TMC5: variants seen among roughly 807,000 people sequenced by gnomAD.
The protein encoded by TMC5 is transmembrane channel like 5.
A neutral mutation model predicts 110.5 loss-of-function variants in TMC5; 86 were observed. The observed-to-expected ratio is 0.78, with a 90% CI of 0.65 to 0.93. The LOEUF is 0.93. Among genes scored for constraint, TMC5 ranks in the 40% least tolerant of loss-of-function variants. The pLI is 0.00. For synonymous variants in TMC5, 455 were observed against 439.5 expected, an observed-to-expected ratio of 1.04 and a Z score of -0.44; for missense variants, 1,144 against 1,222.8, an observed-to-expected ratio of 0.94 and a Z score of 0.96.
At chr16:19,426,520 A>G (rs1040953158) in intron 1 of TMC5, among the ~76,000 whole-genome samples, 9 of 152,164 alleles carry the variant, frequency 5.9e-5, no homozygotes. Flanking sequence ...GTTGGATAGC[A>G]GAGGAGCCCA....
chr16:19,431,296 T>C (rs1389558279), intron 2 of TMC5, among the ~76,000 whole-genome samples: 3 of 152,120 alleles, frequency 2.0e-5, no homozygotes, highest in Non-Finnish European at 4.4e-5. Context: ...ATCCCAGCAC[T>C]TTGGGAGGCC....
intron 4 of TMC5, 78 bp downstream of exon 4, chr16:19,444,328 G>A (rs1967564349): frequency 7.5e-7 from 1 of 1,335,778 alleles, no homozygotes; most frequent in East Asian, 2.4e-5. Context: ...TCATTAAGGA[G>A]ACTTGGCAAT....
intron 19 of TMC5, 110 bp from the exon 20 acceptor site, chr16:19,494,152 A>G (rs1310851940): frequency 2.5e-6 from 2 of 811,708 alleles, no homozygotes; most frequent in Non-Finnish European, 4.1e-6. Context: ...AACTTCTAGG[A>G]TCCTAGCTGC....
At chr16:19,418,573 C>A (rs1966908028) in intron 1 of TMC5, among the ~76,000 whole-genome samples, 1 of 151,956 alleles carries the variant, frequency 6.6e-6, no homozygotes, top group Non-Finnish European at 1.5e-5. Context: ...TTCAGGTGGT[C>A]TCTCCCAATG....
Position 19,479,501 on chromosome 16 carries a change from A to T in TMC5, c.2240A>T (p.Asn747Ile), listed in dbSNP as rs201645334. 2.0e-4 allele frequency: 327 copies of T among 1,613,884 alleles called. 2 individuals carry two copies. Among genetic ancestry groups the T allele is most frequent in the East Asian group, 8.9e-5 (4 of 44,880 alleles). ...LLMDFVFSLV[N>I]SFLGEFLRRI... ...ATGGATTTTGTGTTCTCTTTAGTCA[A>T]TTCCTTCCTGGGGGAGTTTCTGAGG... The change falls in exon 14 of 22, where the codon AAT becomes ATT. Residue 747 changes from asparagine (N) to isoleucine (I), a missense_variant. Asn to Ile is a moderately radical substitution (Grantham distance 149). Transcript: ENST00000542583.
chr16:19,497,925 C>G lies in TMC5; in HGVS notation c.2980C>G (p.Arg994Gly). Residue 994 changes from arginine (R) to glycine (G), a missense_variant, in exon 22 of 22, where the codon CGA (arginine) becomes GGA (glycine). Transcript: ENST00000542583. ...LGEHDGSLDL[R>G]SRRSVQEGNP... ...CTTTCCTGTGTCAAACCTAGACTTG[C>G]GATCTAGAAGATCAGTTCAAGAAGG... 6.2e-7 allele frequency: 1 copy of G among 1,613,772 alleles called. No homozygotes were observed. Among genetic ancestry groups the G allele is most frequent in the East Asian group, 2.2e-5 (1 of 44,842 alleles).
chr16:19,414,238 G>T (rs1231595617), upstream of TMC5, among the ~76,000 whole-genome samples: 3 of 151,968 alleles, frequency 2.0e-5, no homozygotes, highest in Non-Finnish European at 2.9e-5. Context: ...GCTTCCAGAA[G>T]GTTCTCCCTC....
At chr16:19,481,166 T>C (rs1300326964) in intron 14 of TMC5, among the ~76,000 whole-genome samples, 2 of 152,174 alleles carry the variant, frequency 1.3e-5, no homozygotes, top group Non-Finnish European at 2.9e-5. Context: ...GACTGCATTG[T>C]GTTAAATTAG....
At chr16:19,463,158 T>C (rs1968071086) in intron 6 of TMC5, 122 bp from the exon 7 acceptor site, 1 of 733,172 alleles carries the variant, frequency 1.4e-6, no homozygotes. Flanking sequence ...CTGGCCTCAG[T>C]GATCCTCTTG....
intron 5 of TMC5, chr16:19,456,441 G>A (rs1022505256): frequency 6.4e-5 from 73 of 1,143,274 alleles, no homozygotes; most frequent in Non-Finnish European, 7.5e-5. Flanking sequence ...TTCTTGCCTA[G>A]CTACCAAGAC....
chr16:19,448,862 T>C (rs1967681783), intron 4 of TMC5, among the ~76,000 whole-genome samples: 1 of 143,296 alleles, frequency 7.0e-6, no homozygotes, highest in Non-Finnish European at 1.5e-5. Flanking sequence ...TGTATTTTTT[T>C]CTTTTTTTTT....
upstream of TMC5, among the ~76,000 whole-genome samples, chr16:19,414,152 C>T (rs1358121624): frequency 6.6e-6 from 1 of 151,664 alleles, no homozygotes; most frequent in African/African-American, 2.4e-5. Context: ...ATGCCCCCCT[C>T]ATTGTACCCC....
chr16:19,497,788 T>G, intron 21 of TMC5, 132 bp from the exon 22 acceptor site: 2 of 742,098 alleles, frequency 2.7e-6, no homozygotes, highest in Non-Finnish European at 4.5e-6. Context: ...AAGGGAAGGA[T>G]TATAGAAACT....
intron 19 of TMC5, among the ~76,000 whole-genome samples, chr16:19,492,515 G>C (rs1035462930): frequency 6.6e-6 from 1 of 151,858 alleles, no homozygotes; most frequent in East Asian, 1.9e-4. Flanking sequence ...GTGCAATCTC[G>C]GCTCACGGCA....
At chr16:19,453,280 C>T (rs1350462892) in intron 5 of TMC5, among the ~76,000 whole-genome samples, 2 of 151,872 alleles carry the variant, frequency 1.3e-5, no homozygotes, top group African/African-American at 4.8e-5. Context: ...ACAGTGAAAC[C>T]CCATCTCTAT....
rs371305899 is a variant in TMC5 at position 19,469,730 on chromosome 16, G to T, written c.1687G>T (p.Gly563Ter). Reference sequence around the variant, plus strand: ...CTTCATTAATCCCCACATTTACTCCGGAGGGATCACCAAGCTGATCTTTTG... The same window carrying T: ...CTTCATTAATCCCCACATTTACTCCTGAGGGATCACCAAGCTGATCTTTTG... ...NNFINPHIYS[G>*]GITKLIFCWD... The change falls in exon 10 of 22, where the codon GGA (glycine) becomes TGA (stop). Residue 563 changes from glycine (G) to a stop codon, truncating the protein, a stop_gained. Transcript: ENST00000542583. LOFTEE classifies it high-confidence loss of function. The T allele has an allele frequency of 4.3e-6, 7 of 1,613,962 alleles. No homozygotes were observed. In the African/African-American group the frequency reaches 8.0e-5, roughly 18 times the overall value.
At chr16:19,477,616 G>GT in intron 13 of TMC5, 98 bp downstream of exon 13, 1 of 809,802 alleles carries the variant, frequency 1.2e-6, no homozygotes, top group Non-Finnish European at 2.0e-6. Context: ...TCCGTATTTG[G>GT]TATTAATCCC....
chr16:19,456,035 G>A (rs1019591821), intron 5 of TMC5, among the ~76,000 whole-genome samples: 7 of 151,720 alleles, frequency 4.6e-5, no homozygotes, highest in African/African-American at 1.2e-4. Context: ...GTGAAACCCC[G>A]TCTCTACTAA....
In TMC5 at chr16:19,477,433, T is replaced by G; in HGVS notation, c.2091-7T>G. 1 of 1,601,902 alleles carries G rather than the reference T, an allele frequency of 6.2e-7. No individual in the cohort carries two copies. The highest frequency in any genetic ancestry group is 8.6e-7 in the Non-Finnish European group (1 of 1,169,068). On this transcript the variant is annotated splice_polypyrimidine_tract_variant and splice_region_variant and intron_variant, in intron 12 of 21. Coordinates refer to ENST00000542583, the MANE Select transcript of TMC5 (RefSeq NM_001261841.2). ...AGGTAATCATAAATGTTGTCTCTTC[T>G]GTTTAGAAACATCTTTTTGAAAATA... is the stretch of plus-strand genomic sequence containing the variant.
Sources: allele counts gnomAD v4.1 joint callset (sites outside exome capture counted in the v4.1 genomes callset), GRCh38; gene constraint gnomAD v4.1.1; transcripts MANE v1.5; gene names NCBI Gene and HGNC (gene_info 2026-07-23, HGNC 2026-07-21).